The following PRODH2 variants were observed in gnomAD, a reference collection of about 807,000 sequenced individuals.
PRODH2 encodes proline dehydrogenase 2.
Under a neutral mutation model 51.9 loss-of-function variants are expected in PRODH2, and 49 were observed. That is an observed-to-expected ratio of 0.94 (90% CI 0.75 to 1.20). The LOEUF is 1.20. Ranked by LOEUF, PRODH2 falls within the 50% of genes most tolerant of loss-of-function variation. The pLI, the probability that PRODH2 is intolerant of heterozygous loss-of-function variation, is 0.00. For missense variants in PRODH2, 597 were observed against 610.9 expected (o/e 0.98, Z 0.24); for synonymous variants, 249 against 260.7 (o/e 0.96, Z 0.43).
chr19:35,802,889 C>G, intron 8 of PRODH2, 79 bp downstream of exon 8: 1 of 1,048,578 alleles, frequency 9.5e-7, no homozygotes, highest in Non-Finnish European at 1.4e-6. Flanking sequence ...CTCTGTCCAT[C>G]TCTGGCATTT....
At chr19:35,809,831 C>T (rs752890623) in intron 4 of PRODH2, among the ~76,000 whole-genome samples, 28 of 149,962 alleles carry the variant, frequency 1.9e-4, no homozygotes, top group Admixed American at 1.5e-3. Flanking sequence ...TGGTGGTGTG[C>T]GCCTGTAGCC....
At chr19:35,802,499 G>T (rs1972448481) in intron 8 of PRODH2, 9 of 592,220 alleles carry the variant, frequency 1.5e-5, no homozygotes, top group Admixed American at 8.7e-5. Context: ...CAAATAAGGG[G>T]CAACGTCTTG....
At chr19:35,803,103 T>C in intron 7 of PRODH2, 25 bp from the exon 8 acceptor site, 1 of 1,488,392 alleles carries the variant, frequency 6.7e-7, no homozygotes, top group South Asian at 1.3e-5. Flanking sequence ...TCTGTTCAGC[T>C]CACCTGGTGA....
intron 7 of PRODH2, among the ~76,000 whole-genome samples, chr19:35,804,692 T>C (rs1156436028): frequency 6.6e-6 from 1 of 152,216 alleles, no homozygotes; most frequent in African/African-American, 2.4e-5. Context: ...ATCCCAGCAC[T>C]TGGGGAGGCC....
At chr19:35,802,381 T>A in intron 8 of PRODH2, 105 bp from the exon 9 acceptor site, 2 of 990,404 alleles carry the variant, frequency 2.0e-6, no homozygotes, top group Non-Finnish European at 3.2e-6. Context: ...AACATTGAAG[T>A]ATTTCCAAAC....
intron 4 of PRODH2, among the ~76,000 whole-genome samples, chr19:35,810,039 G>A (rs1238574455): frequency 1.4e-5 from 2 of 147,454 alleles, no homozygotes; most frequent in African/African-American, 2.5e-5. Flanking sequence ...AGGCTGAGGC[G>A]GGCGTTTCAC....
rs769251064 is a variant in PRODH2 at position 35,812,453 on chromosome 19, ACCT to A, written c.275_277del (p.Glu92del). 5 of 1,611,738 alleles carry A rather than the reference ACCT, an allele frequency of 3.1e-6. No individual in the cohort carries two copies. In the Admixed American group the frequency reaches 8.4e-5, roughly 27 times the overall value. The stretch of plus-strand genomic sequence containing the variant: ...CCGCAGCTGCTGCACGCAGCCCTTC[ACCT>A]CCTCTGCTGTCTCACCAGCCACAAA... On this transcript the variant is annotated inframe_deletion, in exon 2 of 10. Transcript: ENST00000653904.
intron 8 of PRODH2, 64 bp from the exon 9 acceptor site, chr19:35,802,340 T>C: frequency 7.5e-7 from 1 of 1,328,526 alleles, no homozygotes; most frequent in Non-Finnish European, 1.1e-6. Context: ...AGTCAGCCAC[T>C]ATGCACCCAT....
chr19:35,806,276 G>T (rs972278233), intron 7 of PRODH2, among the ~76,000 whole-genome samples, 154 bp downstream of exon 7: 2 of 151,962 alleles, frequency 1.3e-5, no homozygotes, highest in Admixed American at 6.6e-5. Flanking sequence ...TAGAGATGGG[G>T]TCTCCCTGTG....
intron 4 of PRODH2, among the ~76,000 whole-genome samples, chr19:35,808,863 G>A (rs989615295): frequency 7.1e-6 from 1 of 141,710 alleles, no homozygotes; most frequent in Non-Finnish European, 1.5e-5. Context: ...AGGCAAGAGT[G>A]CAGTGGTGCA....
rs201892445 is a variant in PRODH2 at position 35,812,675 on chromosome 19, A to G, written c.131T>C (p.Leu44Pro). The G allele has an allele frequency of 9.2e-5, 147 of 1,602,862 alleles. No individual in the cohort carries two copies. The highest frequency in any genetic ancestry group is 1.2e-4 in the Non-Finnish European group (142 of 1,172,612). ...TGELTRALLV[L>P]RLCAWPPLVT... is the part of the protein sequence containing the mutation. ...GAGTGGGGGCCAGGCACACAGCCGG[A>G]GAACCAGCAAGGCCCGTGTCAGCTC... Residue 44 changes from leucine (L) to proline (P), a missense_variant, in exon 1 of 10, where the codon CTC becomes CCC. By Grantham distance (98) the Leu-to-Pro change is moderately conservative. Transcript: ENST00000653904.
At chr19:35,802,657 G>A (rs1400681536) in intron 8 of PRODH2, among the ~76,000 whole-genome samples, 1 of 152,056 alleles carries the variant, frequency 6.6e-6, no homozygotes, top group Non-Finnish European at 1.5e-5. Context: ...AACCTCTTGG[G>A]CTCAAGTGAT....
In PRODH2 at chr19:35,809,958, C is replaced by CAAAAA. The variant is rs1175392997; in HGVS notation, c.597+1999_597+2003dup. 7.0e-4 allele frequency among the ~76,000 whole-genome samples: 9 copies of CAAAAA among 12,822 alleles called. 4 individuals are homozygous for CAAAAA. The highest frequency in any genetic ancestry group is 3.3e-3 in the Admixed American group (2 of 610). 8.4% of individuals were successfully genotyped at this position (12,822 alleles called of 152,430 possible). A position where few individuals can be genotyped will look rare whatever the true frequency, so the allele number is the denominator to read the frequency against. On this transcript the variant is annotated intron_variant, in intron 4 of 9. Coordinates refer to ENST00000653904, the MANE Select transcript of PRODH2 (RefSeq NM_021232.2). ...TGGGCAACAGAGCCAGATGCCGCTT[C>CAAAAA]AAAAAAAAAAAAAAAAAAAAAAAAA...
chr19:35,807,599 A>G (rs1972535818), intron 4 of PRODH2, among the ~76,000 whole-genome samples: 1 of 151,918 alleles, frequency 6.6e-6, no homozygotes, highest in Non-Finnish European at 1.5e-5. Context: ...CACCGTGCTC[A>G]GCCCTCCCTG....
intron 9 of PRODH2, 48 bp from the exon 10 acceptor site, chr19:35,800,270 G>A (rs1285446376): frequency 6.8e-7 from 1 of 1,480,470 alleles, no homozygotes; most frequent in African/African-American, 1.4e-5. Flanking sequence ...GTTTTTCTGA[G>A]ACAGAGTCTC....
At chr19:35,807,448 G>A (rs1391713836) in intron 4 of PRODH2, among the ~76,000 whole-genome samples, 21 of 151,658 alleles carry the variant, frequency 1.4e-4, no homozygotes, top group African/African-American at 4.1e-4. Flanking sequence ...GATTACAGGC[G>A]CCCGCCACCA....
chr19:35,806,816 C>T lies in PRODH2; in HGVS notation c.693G>A (p.Gln231=), dbSNP rs1018286251. 1.2e-6 allele frequency: 2 copies of T among 1,606,892 alleles called. No homozygotes were observed. Among genetic ancestry groups the T allele is most frequent in the Non-Finnish European group, 1.7e-6 (2 of 1,176,800 alleles). The stretch of plus-strand genomic sequence containing the variant: ...CCGCATCCACCAGGAGCCGCACGTG[C>T]TGGGCCCGGGCATACTGATGGCGAC... ...LHRVAQYARA[Q]HVRLLVDAEY... is the part of the protein sequence containing the mutation. The change falls in exon 6 of 10, where the codon CAG becomes CAA. Residue 231 remains glutamine (Q), a synonymous_variant. Transcript: ENST00000653904.
In PRODH2 at chr19:35,804,037, G is replaced by A. The variant is rs1015692762; in HGVS notation, c.1002-959C>T. ...CCCATGGAGTCATGTGCAGGAAGGA[G>A]TGTGGGTGTCTCACCTCGGCCCCTC... On this transcript the variant is annotated intron_variant, in intron 7 of 9. Transcript: ENST00000653904. Among the ~76,000 whole-genome samples, 3 of 152,178 alleles carry A rather than the reference G, an allele frequency of 2.0e-5. No homozygotes were observed. In the South Asian group the frequency reaches 6.2e-4, roughly 32 times the overall value.
chr19:35,805,417 C>T (rs928483097), intron 7 of PRODH2, among the ~76,000 whole-genome samples: 1 of 152,024 alleles, frequency 6.6e-6, no homozygotes, highest in Non-Finnish European at 1.5e-5. Context: ...CCAGTGCAAG[C>T]CACCACACCC....
Sources: gnomAD v4.1 joint callset for allele counts (sites outside exome capture counted in the v4.1 genomes callset) on GRCh38, gnomAD v4.1.1 for gene constraint, MANE v1.5 for transcripts, NCBI Gene and HGNC (gene_info 2026-07-23, HGNC 2026-07-21) for gene names.